The following SBF2 variants were observed in gnomAD, a reference collection of about 807,000 sequenced individuals.
SBF2 encodes the protein SET binding factor 2.
In SBF2, 112 loss-of-function variants were observed where a neutral mutation model predicts 225.2. The ratio of observed to expected loss-of-function variants is 0.50; its 90% confidence interval spans 0.43 to 0.58. The LOEUF (loss-of-function observed/expected upper bound fraction) is 0.58, where lower values mean the gene tolerates loss of function less well. SBF2 is among the 20% of genes least tolerant of loss of function. The pLI is 0.00. For synonymous variants in SBF2, 763 were observed against 773.3 expected (o/e 0.99, Z 0.22); for missense variants, 1,996 against 2,206.2 (o/e 0.90, Z 1.91).
intron 2 of SBF2, among the ~76,000 whole-genome samples, chr11:10,045,534 C>A (rs1401430976): frequency 1.3e-5 from 2 of 152,156 alleles, no homozygotes; most frequent in African/African-American, 2.4e-5. Context: ...CAGTGCTGGA[C>A]GAACGCCTGA....
Position 9,789,312 on chromosome 11 carries a change from G to A in SBF2, c.4729C>T (p.Leu1577Phe), listed in dbSNP as rs894021091. The A allele has an allele frequency of 6.2e-7, 1 of 1,614,078 alleles. No individual in the cohort carries two copies. The highest frequency in any genetic ancestry group is 8.5e-7 in the Non-Finnish European group (1 of 1,179,992). ...ALKPNVNVSS[L>F]KKWDYYIEET... ...TCTATGTAGTAATCCCACTTCTTGAGGCTAGAGACGTTTACATTGGGCTTT... is the reference window on the plus strand; with the variant it reads ...TCTATGTAGTAATCCCACTTCTTGAAGCTAGAGACGTTTACATTGGGCTTT... The change falls in exon 35 of 40, where the codon CTC becomes TTC. Residue 1577 changes from leucine (L) to phenylalanine (F), a missense_variant. Transcript: ENST00000256190.
intron 38 of SBF2, among the ~76,000 whole-genome samples, chr11:9,784,109 C>T (rs925251857): frequency 6.6e-6 from 1 of 152,098 alleles, no homozygotes; most frequent in African/African-American, 2.4e-5. Context: ...ATGCTCTGGG[C>T]TCAATTGTTG....
intron 2 of SBF2, among the ~76,000 whole-genome samples, chr11:10,131,369 TTG>T (rs1471134875): frequency 6.6e-6 from 1 of 152,132 alleles, no homozygotes; most frequent in Admixed American, 6.6e-5. Context: ...AAATATCTTT[TTG>T]TGTCTTTTGC....
At chr11:9,860,079 T>C (rs1283225092) in intron 17 of SBF2, among the ~76,000 whole-genome samples, 3 of 152,146 alleles carry the variant, frequency 2.0e-5, no homozygotes, top group Non-Finnish European at 4.4e-5. Flanking sequence ...ATGAACAAAA[T>C]GTGTGTGGTT....
In SBF2 at chr11:9,939,277, A is replaced by T. The variant is rs528857858; in HGVS notation, c.1860+22680T>A. ...CGCCCGGCTAATTTTTTTCTATTTT[A>T]AGTAGAGACGGGGTTTCACCACCTT... On this transcript the variant is annotated intron_variant, in intron 16 of 39. Coordinates refer to ENST00000256190, the MANE Select transcript of SBF2 (RefSeq NM_030962.4). Among the ~76,000 whole-genome samples, 12 of 152,032 alleles carry T rather than the reference A, an allele frequency of 7.9e-5. No individual in the cohort carries two copies. In the South Asian group the frequency reaches 2.5e-3, roughly 32 times the overall value.
intron 16 of SBF2, among the ~76,000 whole-genome samples, chr11:9,903,642 C>T (rs1432668871): frequency 2.0e-5 from 3 of 152,254 alleles, no homozygotes; most frequent in East Asian, 3.9e-4. Context: ...GAGACCCAAG[C>T]GGGCACGTGA....
chr11:10,280,597 T>C (rs1349652280), intron 1 of SBF2, among the ~76,000 whole-genome samples: 3 of 152,208 alleles, frequency 2.0e-5, no homozygotes, highest in Non-Finnish European at 4.4e-5. Context: ...CAGATACTCT[T>C]ACCTCTCAAA....
At position 10,290,891 on chromosome 11, in the gene SBF2, C is replaced by G. The variant is rs566279590; in HGVS notation, c.55+3124G>C. 4.0e-4 allele frequency among the ~76,000 whole-genome samples: 61 copies of G among 152,292 alleles called. 1 individual carries two copies. The South Asian group carries it at 0.013, about 32-fold the overall frequency. On this transcript the variant is annotated intron_variant, in intron 1 of 39. Transcript: ENST00000256190. ...AGTAACAGCCCAACAGCAATAAACA[C>G]ACTAGCCTTGAGATCTTAGCTTCTA...
At chr11:10,142,094 C>T (rs1327177021) in intron 2 of SBF2, among the ~76,000 whole-genome samples, 3 of 152,132 alleles carry the variant, frequency 2.0e-5, no homozygotes, top group African/African-American at 7.2e-5. Flanking sequence ...TCATCATTAG[C>T]AGAGGAGTAA....
chr11:9,975,682 C>T (rs369347686), intron 13 of SBF2, among the ~76,000 whole-genome samples: 11 of 152,004 alleles, frequency 7.2e-5, no homozygotes, highest in South Asian at 4.1e-4. Flanking sequence ...TCAGATAGGA[C>T]GGGAGGGGGG....
chr11:10,277,428 A>G (rs1479151429), intron 1 of SBF2, among the ~76,000 whole-genome samples: 1 of 152,186 alleles, frequency 6.6e-6, no homozygotes, highest in East Asian at 1.9e-4. Context: ...TGTTTGTTGC[A>G]AAATTGTTTT....
chr11:9,868,443 G>A (rs939111568), intron 17 of SBF2, among the ~76,000 whole-genome samples: 6 of 151,332 alleles, frequency 4.0e-5, no homozygotes, highest in South Asian at 4.2e-4. Flanking sequence ...GCATGAACCC[G>A]GGAGGCGGAG....
intron 2 of SBF2, among the ~76,000 whole-genome samples, chr11:10,044,999 A>G (rs1254086400): frequency 6.6e-6 from 1 of 152,096 alleles, no homozygotes; most frequent in Non-Finnish European, 1.5e-5. Flanking sequence ...ATAGTCAGCC[A>G]CTTGTCTGTG....
intron 1 of SBF2, among the ~76,000 whole-genome samples, chr11:10,225,582 C>A (rs1958507767): frequency 6.6e-6 from 1 of 151,990 alleles, no homozygotes; most frequent in Non-Finnish European, 1.5e-5. Context: ...CTTGTATTAT[C>A]TTTACAGAAA....
At chr11:9,937,068 A>C (rs776285186) in intron 16 of SBF2, among the ~76,000 whole-genome samples, 2 of 152,236 alleles carry the variant, frequency 1.3e-5, no homozygotes, top group Non-Finnish European at 2.9e-5. Context: ...GGAAGGGCCA[A>C]CATCTGAATA....
chr11:9,954,838 A>G (rs1422606314), intron 16 of SBF2, among the ~76,000 whole-genome samples: 1 of 152,158 alleles, frequency 6.6e-6, no homozygotes, highest in Non-Finnish European at 1.5e-5. Flanking sequence ...CTTAAAAGTT[A>G]GTTCTTCAGC....
intron 2 of SBF2, among the ~76,000 whole-genome samples, chr11:10,100,912 C>A (rs183890688): frequency 6.0e-4 from 91 of 152,288 alleles, no homozygotes; most frequent in African/African-American, 2.1e-3. Flanking sequence ...TAGGAGGAGT[C>A]TTGGTTCAGC....
chr11:10,251,665 C>T (rs1437934989), intron 1 of SBF2, among the ~76,000 whole-genome samples: 1 of 152,182 alleles, frequency 6.6e-6, no homozygotes, highest in Admixed American at 6.5e-5. Context: ...GCATTATCCT[C>T]CCAATAGTCA....
chr11:10,035,113 C>T lies in SBF2; in HGVS notation c.280-3943G>A, dbSNP rs531544456. Among the ~76,000 whole-genome samples the T allele has an allele frequency of 8.5e-5, 13 of 152,196 alleles. No homozygotes were observed. The South Asian group carries it at 2.1e-3, about 24-fold the overall frequency. On this transcript the variant is annotated intron_variant, in intron 3 of 39. Coordinates refer to ENST00000256190, the MANE Select transcript of SBF2 (RefSeq NM_030962.4). ...CTGAGAGGCTGGGACTAGAGGCACC[C>T]GCCACCACGCCTGGCTAATTTTTTC...
Sources: allele counts gnomAD v4.1 joint callset (sites outside exome capture counted in the v4.1 genomes callset), GRCh38; gene constraint gnomAD v4.1.1; transcripts MANE v1.5; gene names NCBI Gene and HGNC (gene_info 2026-07-23, HGNC 2026-07-21).